The following ST8SIA5 variants were observed in gnomAD, a reference collection of about 807,000 sequenced individuals.
ST8SIA5 encodes the protein ST8 alpha-N-acetyl-neuraminide alpha-2,8-sialyltransferase 5, also known as alpha-2,8-sialyltransferase 8E.
In ST8SIA5, 24 loss-of-function variants were observed where a neutral mutation model predicts 40.2. That is an observed-to-expected ratio of 0.60 (90% CI 0.43 to 0.84). The LOEUF (loss-of-function observed/expected upper bound fraction) is 0.84. ST8SIA5 is among the 40% of genes least tolerant of loss of function. The probability of loss-of-function intolerance (pLI) is 0.00; values close to 1 mark genes in which losing one functional copy is unlikely to be tolerated. For missense variants in ST8SIA5, 465 were observed against 498.5 expected (o/e 0.93, Z 0.64); for synonymous variants, 198 against 201.8 (o/e 0.98, Z 0.16).
At chr18:46,734,159 T>C (rs1174423817) in intron 1 of ST8SIA5, among the ~76,000 whole-genome samples, 2 of 152,022 alleles carry the variant, frequency 1.3e-5, no homozygotes, top group Non-Finnish European at 2.9e-5. Context: ...ACGGGCGCAA[T>C]GACCAGGTTC....
intron 1 of ST8SIA5, chr18:46,730,278 C>G (rs1032558906): frequency 3.2e-5 from 31 of 983,664 alleles, no homozygotes; most frequent in Non-Finnish European, 3.7e-5. Flanking sequence ...AGCAGTGTGA[C>G]TCTCAGCATT....
intron 2 of ST8SIA5, among the ~76,000 whole-genome samples, chr18:46,694,530 G>C (rs1259030748): frequency 6.6e-6 from 1 of 152,164 alleles, no homozygotes; most frequent in Non-Finnish European, 1.5e-5. Flanking sequence ...TTCTGTAGCT[G>C]TTTGGGGTCA....
At chr18:46,733,322 T>C (rs1317290885) in intron 1 of ST8SIA5, among the ~76,000 whole-genome samples, 2 of 152,230 alleles carry the variant, frequency 1.3e-5, no homozygotes, top group Non-Finnish European at 1.5e-5. Flanking sequence ...GCAAATCACT[T>C]GCATTGGACC....
chr18:46,684,497 C>A (rs1448013811), intron 5 of ST8SIA5, among the ~76,000 whole-genome samples: 1 of 152,152 alleles, frequency 6.6e-6, no homozygotes, highest in African/African-American at 2.4e-5. Context: ...TTATCATCCT[C>A]ATCTTTCATT....
At chr18:46,692,535 C>T (rs923431117) in intron 2 of ST8SIA5, among the ~76,000 whole-genome samples, 2 of 151,982 alleles carry the variant, frequency 1.3e-5, no homozygotes, top group Non-Finnish European at 2.9e-5. Context: ...TACCGAGTAG[C>T]TGGGCCTACA....
At chr18:46,748,579 A>C (rs1192923769) in intron 1 of ST8SIA5, among the ~76,000 whole-genome samples, 1 of 137,330 alleles carries the variant, frequency 7.3e-6, no homozygotes, top group Non-Finnish European at 1.6e-5. Context: ...AAAAAAAGGC[A>C]AAGAATCTAA....
intron 1 of ST8SIA5, among the ~76,000 whole-genome samples, chr18:46,726,816 G>A (rs1302251716): frequency 6.6e-6 from 1 of 152,132 alleles, no homozygotes; most frequent in Non-Finnish European, 1.5e-5. Context: ...CTACTCAGGA[G>A]GCTGAGGCAG....
Position 46,679,790 on chromosome 18 carries a change from A to C in ST8SIA5, c.*252T>G. ...TTGGGGTGTGGCCCAGCAGCATGCT[A>C]GCCAGGGCAGGTGGACGCACTGGGC... is the stretch of plus-strand genomic sequence containing the variant. On this transcript the variant is annotated 3_prime_UTR_variant, in exon 7 of 7. Transcript: ENST00000315087. The C allele has an allele frequency of 1.9e-6, 1 of 530,420 alleles. No individual in the cohort carries two copies. Among genetic ancestry groups the C allele is most frequent in the Non-Finnish European group, 3.4e-6 (1 of 296,424 alleles). 32.9% of individuals were successfully genotyped at this position (530,420 alleles called of 1,614,324 possible).
At chr18:46,681,696 C>T (rs1038337542) in intron 6 of ST8SIA5, among the ~76,000 whole-genome samples, 2 of 152,184 alleles carry the variant, frequency 1.3e-5, no homozygotes, top group African/African-American at 4.8e-5. Context: ...TTAACAATGT[C>T]CGAGTAAGCA....
chr18:46,709,425 C>T (rs575614410), intron 1 of ST8SIA5, among the ~76,000 whole-genome samples: 7 of 152,182 alleles, frequency 4.6e-5, no homozygotes, highest in South Asian at 2.1e-4. Flanking sequence ...TAATTATAAA[C>T]GACCCAGTCT....
intron 1 of ST8SIA5, among the ~76,000 whole-genome samples, chr18:46,735,071 T>G (rs1388948626): frequency 6.6e-6 from 1 of 152,238 alleles, no homozygotes; most frequent in Non-Finnish European, 1.5e-5. Context: ...TCTCCTGGCC[T>G]TCATCTTTCT....
intron 1 of ST8SIA5, among the ~76,000 whole-genome samples, chr18:46,726,023 TATATATCCTGG>T (rs2039925318): frequency 8.9e-5 from 10 of 112,158 alleles, no homozygotes; most frequent in Non-Finnish European, 1.1e-4. Flanking sequence ...TGGATATATA[TATATATCCTGG>T]ATATATATAT....
chr18:46,751,749 T>G lies in ST8SIA5; in HGVS notation c.131+4629A>C, dbSNP rs9952315. 8.9e-3 allele frequency among the ~76,000 whole-genome samples: 1,356 copies of G among 152,274 alleles called. 18 individuals are homozygous for G. The highest frequency in any genetic ancestry group is 0.03 in the African/African-American group (1,254 of 41,540). On this transcript the variant is annotated intron_variant, in intron 1 of 6. Coordinates refer to ENST00000315087, the MANE Select transcript of ST8SIA5 (RefSeq NM_013305.6). ...AAACATTAGAGTACATTTCTCGTAA[T>G]AAGGCCAAGTATTGCTTCACAAAAT...
At chr18:46,702,191 C>A (rs2039624948) in intron 2 of ST8SIA5, among the ~76,000 whole-genome samples, 1 of 151,170 alleles carries the variant, frequency 6.6e-6, no homozygotes, top group Admixed American at 6.6e-5. Context: ...TCTCTGAAAT[C>A]TTGAAGGTGT....
chr18:46,728,584 G>GT lies in ST8SIA5; in HGVS notation c.132-23921dup, dbSNP rs200660172. ...CTGATGCCAGAGCCCAGGACCCCAT[G>GT]TGCTGACTGCTCAACCCAGTGGGGC... On this transcript the variant is annotated intron_variant, in intron 1 of 6. Transcript: ENST00000315087. Among the ~76,000 whole-genome samples, 767 of 152,346 alleles carry GT rather than the reference G, an allele frequency of 5.0e-3. 6 individuals are homozygous for GT. The highest frequency in any genetic ancestry group is 0.018 in the African/African-American group (737 of 41,584).
intron 2 of ST8SIA5, among the ~76,000 whole-genome samples, chr18:46,695,596 C>T (rs935690226): frequency 2.6e-5 from 4 of 152,332 alleles, no homozygotes; most frequent in East Asian, 1.9e-4. Flanking sequence ...TATTGTTACA[C>T]TGAACTGCCC....
At chr18:46,711,514 G>A (rs114889591) in intron 1 of ST8SIA5, among the ~76,000 whole-genome samples, 1,830 of 152,238 alleles carry the variant, frequency 0.012, 37 homozygotes, top group African/African-American at 0.042. Flanking sequence ...GACAGCCATC[G>A]TTCTCTGGGG....
At chr18:46,687,866 TG>T (rs1351194689) in intron 4 of ST8SIA5, among the ~76,000 whole-genome samples, 1 of 152,208 alleles carries the variant, frequency 6.6e-6, no homozygotes, top group Non-Finnish European at 1.5e-5. Context: ...CTCCTGAATG[TG>T]GTTATGAACA....
chr18:46,735,893 A>G (rs1208185468), intron 1 of ST8SIA5, among the ~76,000 whole-genome samples: 2 of 152,134 alleles, frequency 1.3e-5, no homozygotes, highest in African/African-American at 4.8e-5. Flanking sequence ...GATTACAGAC[A>G]TGAGCCACCA....
Sources: allele counts gnomAD v4.1 joint callset (sites outside exome capture counted in the v4.1 genomes callset), GRCh38; gene constraint gnomAD v4.1.1; transcripts MANE v1.5; gene names NCBI Gene and HGNC (gene_info 2026-07-23, HGNC 2026-07-21).